The following VPS26C variants were observed in gnomAD, a reference collection of about 807,000 sequenced individuals.
The protein encoded by VPS26C is vacuolar protein sorting-associated protein 26C.
A neutral mutation model predicts 30.6 loss-of-function variants in VPS26C; 19 were observed. The ratio of observed to expected loss-of-function variants is 0.62; its 90% CI spans 0.43 to 0.91. The LOEUF (loss-of-function observed/expected upper bound fraction) is 0.91. Ranked by LOEUF, VPS26C falls within the 40% of genes least tolerant of loss-of-function variation. The probability of loss-of-function intolerance (pLI) is 0.00; values close to 1 mark genes in which losing one functional copy is unlikely to be tolerated. For synonymous variants in VPS26C, 132 were observed against 151.5 expected (o/e 0.87, Z 0.95); for missense variants, 318 against 385.1 (o/e 0.83, Z 1.46).
At chr21:37,267,955 C>T (rs1447615546), upstream of VPS26C, 3 of 152,616 alleles carry the variant, frequency 2.0e-5, no homozygotes, top group African/African-American at 7.2e-5. Flanking sequence ...GGTGCGGCCC[C>T]TGCGTGCTAG....
At chr21:37,228,415 G>T in intron 5 of VPS26C, 42 bp from the exon 6 acceptor site, 1 of 1,606,126 alleles carries the variant, frequency 6.2e-7, no homozygotes. Flanking sequence ...TGCAGGCAAG[G>T]GGGGAAAGTG....
intron 4 of VPS26C, 186 bp from the exon 5 acceptor site, chr21:37,232,637 T>C (rs1487256788): frequency 1.6e-6 from 1 of 607,720 alleles, no homozygotes; most frequent in Admixed American, 2.9e-5. Flanking sequence ...TGAAACTCAG[T>C]TTCCTCATCT....
intron 1 of VPS26C, among the ~76,000 whole-genome samples, chr21:37,252,242 C>T (rs1237326162): frequency 1.3e-5 from 2 of 152,176 alleles, no homozygotes; most frequent in Non-Finnish European, 2.9e-5. Flanking sequence ...AACACTCTAC[C>T]CTTTCTTAGT....
At chr21:37,227,887 T>A in intron 6 of VPS26C, 81 bp from the exon 7 acceptor site, 1 of 1,562,782 alleles carries the variant, frequency 6.4e-7, no homozygotes, top group Non-Finnish European at 8.7e-7. Flanking sequence ...CACCCACCAG[T>A]CTGCTCCAAG....
chr21:37,229,831 G>A (rs555815737), intron 5 of VPS26C, among the ~76,000 whole-genome samples: 4 of 152,276 alleles, frequency 2.6e-5, no homozygotes, highest in Non-Finnish European at 4.4e-5. Flanking sequence ...CAAAGGTACA[G>A]ACCTCTGAAG....
intron 5 of VPS26C, among the ~76,000 whole-genome samples, chr21:37,230,332 CAT>C: frequency 6.6e-6 from 1 of 152,362 alleles, no homozygotes; most frequent in Middle Eastern, 3.4e-3. Context: ...CTCCCACTGA[CAT>C]GATATTAACA....
At chr21:37,251,234 G>A (rs529630177) in intron 1 of VPS26C, among the ~76,000 whole-genome samples, 10 of 152,306 alleles carry the variant, frequency 6.6e-5, no homozygotes, top group African/African-American at 2.4e-4. Flanking sequence ...TTGCAGATGT[G>A]AGATGACTTA....
chr21:37,228,441 C>G, intron 5 of VPS26C, 68 bp from the exon 6 acceptor site: 2 of 1,558,178 alleles, frequency 1.3e-6, no homozygotes, highest in Non-Finnish European at 1.7e-6. Context: ...TACTTTGGTG[C>G]AAATAAAACC....
chr21:37,250,556 A>G (rs937920505), intron 1 of VPS26C, among the ~76,000 whole-genome samples: 5 of 152,170 alleles, frequency 3.3e-5, no homozygotes, highest in Admixed American at 6.5e-5. Flanking sequence ...ACAACTTAAT[A>G]TAACAAATTA....
intron 2 of VPS26C, 151 bp from the exon 3 acceptor site, chr21:37,238,760 C>T (rs1272137362): frequency 8.6e-6 from 7 of 815,124 alleles, no homozygotes; most frequent in Non-Finnish European, 1.3e-5. Flanking sequence ...TGGAGATGAA[C>T]AGTGACTTGG....
Position 37,232,374 on chromosome 21 carries a change from T to TAAGGTTACAGA in VPS26C, c.507+2_507+3insTCTGTAACCTT. On this transcript the variant is annotated splice_region_variant and intron_variant, in intron 5 of 7. Transcript: ENST00000309117. ...CGGCATTCGCCTGTGCAGGACGTCTTACCTCTTTGACGTTCTGTAAGGTTT... is the reference window on the plus strand; with the variant it reads ...CGGCATTCGCCTGTGCAGGACGTCTTAAGGTTACAGAACCTCTTTGACGTTCTGTAAGGTTT... 6.2e-7 allele frequency: 1 copy of TAAGGTTACAGA among 1,613,848 alleles called. No individual in the cohort carries two copies. Among genetic ancestry groups the TAAGGTTACAGA allele is most frequent in the Non-Finnish European group, 8.5e-7 (1 of 1,179,744 alleles).
At position 37,267,259 on chromosome 21, in the gene VPS26C, C is replaced by G; in HGVS notation, c.36G>C (p.Ala12=). ...TTACCCCGGCGTGATAAACTTTATT[C>G]GCTCTTTTAATCTTGATGTCCAGGG... The part of the protein sequence containing the change: ...GTALDIKIKR[A]NKVYHAGEVL... Residue 12 remains alanine, a synonymous_variant, in exon 1 of 8, where the codon GCG becomes GCC. Transcript: ENST00000309117. 1 of 1,309,596 alleles carries G rather than the reference C, an allele frequency of 7.6e-7. No homozygotes were observed. Among genetic ancestry groups the G allele is most frequent in the Non-Finnish European group, 1.0e-6 (1 of 994,104 alleles). The allele number at this position is 1,309,596 out of a possible 1,614,324, so 81.1% of individuals were successfully genotyped here.
rs926362178 is a variant in VPS26C at position 37,264,168 on chromosome 21, T to G, written c.57+3070A>C. On this transcript the variant is annotated intron_variant, in intron 1 of 7. Transcript: ENST00000309117. ...TAATAACTTTCTCTTTTCTGTCGCC[T>G]TTTAAAAAAACATAGCAACCATCTA... is the stretch of plus-strand genomic sequence containing the variant. Among the ~76,000 whole-genome samples, 8 of 152,370 alleles carry G rather than the reference T, an allele frequency of 5.3e-5. No individual in the cohort carries two copies. The East Asian group carries it at 1.5e-3, about 29-fold the overall frequency.
intron 3 of VPS26C, among the ~76,000 whole-genome samples, chr21:37,236,740 G>A (rs192123125): frequency 2.6e-5 from 4 of 152,174 alleles, no homozygotes; most frequent in Non-Finnish European, 4.4e-5. Flanking sequence ...GTTAGAAATC[G>A]GTGAGATAGT....
chr21:37,251,070 C>A (rs1428998935), intron 1 of VPS26C, among the ~76,000 whole-genome samples: 1 of 151,616 alleles, frequency 6.6e-6, no homozygotes, highest in Non-Finnish European at 1.5e-5. Context: ...GCAATTAAAA[C>A]AAAGATAAAA....
intron 1 of VPS26C, among the ~76,000 whole-genome samples, chr21:37,240,998 A>G (rs947302473): frequency 1.3e-5 from 2 of 152,248 alleles, no homozygotes; most frequent in Admixed American, 1.3e-4. Flanking sequence ...CAGTGATATC[A>G]CACATGGGCA....
intron 1 of VPS26C, among the ~76,000 whole-genome samples, chr21:37,265,772 G>C (rs372427191): frequency 6.6e-6 from 1 of 152,068 alleles, no homozygotes; most frequent in Non-Finnish European, 1.5e-5. Context: ...GTGAGTTGTG[G>C]CCTTCTCTGT....
At chr21:37,249,782 G>A (rs4618141) in intron 1 of VPS26C, among the ~76,000 whole-genome samples, 80,087 of 152,068 alleles carry the variant, frequency 0.53, 21,854 homozygotes, top group East Asian at 0.68. Flanking sequence ...TGAAAAGAAG[G>A]AAATTGGAGA....
intron 1 of VPS26C, 112 bp downstream of exon 1, chr21:37,267,126 G>C: frequency 1.0e-6 from 1 of 991,694 alleles, no homozygotes; most frequent in South Asian, 1.4e-5. Flanking sequence ...CGCACCTGGC[G>C]GGACAGCCCT....
Sources: gnomAD v4.1 joint callset for allele counts (sites outside exome capture counted in the v4.1 genomes callset) on GRCh38, gnomAD v4.1.1 for gene constraint, MANE v1.5 for transcripts, NCBI Gene and HGNC (gene_info 2026-07-23, HGNC 2026-07-21) for gene names.